The following GRID2 variants were observed in gnomAD, a reference collection of about 807,000 sequenced individuals.
GRID2 encodes the protein glutamate receptor ionotropic, delta-2.
A neutral mutation model predicts 114.8 loss-of-function variants in GRID2; 33 were observed. The observed-to-expected ratio is 0.29, with a 90% CI of 0.22 to 0.38. The LOEUF (loss-of-function observed/expected upper bound fraction) is 0.38, where lower values mean the gene tolerates loss of function less well. GRID2 is among the 10% of genes least tolerant of loss of function. The pLI is 1.00. For synonymous variants in GRID2, 505 were observed against 449.9 expected (o/e 1.12, Z -1.55); for missense variants, 1,184 against 1,257.7 (o/e 0.94, Z 0.89).
chr4:92,699,995 G>T (rs1352097911), intron 2 of GRID2, among the ~76,000 whole-genome samples: 1 of 152,118 alleles, frequency 6.6e-6, no homozygotes, highest in Non-Finnish European at 1.5e-5. Flanking sequence ...TGTACTTTAA[G>T]ATAAAGCAAA....
intron 2 of GRID2, among the ~76,000 whole-genome samples, chr4:92,758,789 G>C (rs1737849276): frequency 6.6e-6 from 1 of 152,044 alleles, no homozygotes. Context: ...TCTTATTTCA[G>C]TATCAGTTGA....
chr4:92,965,599 A>C lies in GRID2; in HGVS notation c.245-119396A>C, dbSNP rs563354292. The stretch of plus-strand genomic sequence containing the variant: ...GAGTAGATGTTTACCTTGCAATCTC[A>C]CTTCTATTATGGGTCTAAGAAGAGT... On this transcript the variant is annotated intron_variant, in intron 2 of 15. Coordinates refer to ENST00000282020, the MANE Select transcript of GRID2 (RefSeq NM_001510.4). Among the ~76,000 whole-genome samples, 12 of 151,542 alleles carry C rather than the reference A, an allele frequency of 7.9e-5. No homozygotes were observed. In the South Asian group the frequency reaches 2.5e-3, roughly 32 times the overall value.
chr4:93,258,834 A>C (rs1489237762), intron 8 of GRID2: 1 of 447,820 alleles, frequency 2.2e-6, no homozygotes, highest in Non-Finnish European at 4.5e-6. Context: ...AACAACATGA[A>C]AGTAATTAAC....
intron 2 of GRID2, among the ~76,000 whole-genome samples, chr4:92,791,943 A>G (rs532452268): frequency 6.6e-6 from 1 of 151,980 alleles, no homozygotes; most frequent in East Asian, 1.9e-4. Flanking sequence ...AATAGTGCTG[A>G]AAACAAGAAA....
At chr4:92,722,686 G>A (rs780995189) in intron 2 of GRID2, among the ~76,000 whole-genome samples, 1 of 151,952 alleles carries the variant, frequency 6.6e-6, no homozygotes. Flanking sequence ...TTTAGATGAC[G>A]CCAAGTGACT....
intron 2 of GRID2, among the ~76,000 whole-genome samples, chr4:92,907,363 C>T (rs572789955): frequency 6.6e-6 from 1 of 152,160 alleles, no homozygotes; most frequent in Non-Finnish European, 1.5e-5. Context: ...GTATTTGGTA[C>T]CTCTTAGAAT....
intron 13 of GRID2, among the ~76,000 whole-genome samples, chr4:93,568,736 C>CA (rs1735667148): frequency 6.6e-6 from 1 of 152,104 alleles, no homozygotes; most frequent in African/African-American, 2.4e-5. Context: ...ATCTGTGCTT[C>CA]ACAATTTTCA....
At chr4:93,083,773 G>A (rs1412507805) in intron 2 of GRID2, among the ~76,000 whole-genome samples, 1 of 151,274 alleles carries the variant, frequency 6.6e-6, no homozygotes, top group Non-Finnish European at 1.5e-5. Context: ...CTTTCATGAG[G>A]CAATGCTTGA....
At chr4:92,326,522 T>C (rs1726605747) in intron 1 of GRID2, among the ~76,000 whole-genome samples, 1 of 151,862 alleles carries the variant, frequency 6.6e-6, no homozygotes, top group Non-Finnish European at 1.5e-5. Context: ...TATAGAAGTA[T>C]AGAATATATA....
chr4:92,626,327 A>G (rs747689371), intron 2 of GRID2, among the ~76,000 whole-genome samples: 10 of 151,984 alleles, frequency 6.6e-5, no homozygotes, highest in Non-Finnish European at 1.5e-4. Flanking sequence ...CTTTTCATGG[A>G]CCTTTGCAAT....
At chr4:92,647,994 C>A in intron 2 of GRID2, among the ~76,000 whole-genome samples, 1 of 149,668 alleles carries the variant, frequency 6.7e-6, no homozygotes, top group East Asian at 1.9e-4. Flanking sequence ...GTAAACAGAT[C>A]CCCTTTACTT....
At chr4:93,485,554 A>T (rs956675484) in intron 11 of GRID2, among the ~76,000 whole-genome samples, 2 of 151,720 alleles carry the variant, frequency 1.3e-5, no homozygotes, top group Admixed American at 6.6e-5. Flanking sequence ...ATTTCTGTGT[A>T]TAGTATGAGT....
chr4:93,109,633 A>G (rs1252763699), intron 3 of GRID2, among the ~76,000 whole-genome samples: 2 of 152,154 alleles, frequency 1.3e-5, no homozygotes, highest in Admixed American at 1.3e-4. Context: ...TAGTCTATTC[A>G]TAAGTTCCCT....
intron 1 of GRID2, among the ~76,000 whole-genome samples, chr4:92,420,318 T>G (rs2110322167): frequency 6.6e-6 from 1 of 152,316 alleles, no homozygotes; most frequent in East Asian, 1.9e-4. Context: ...TTTTAACACC[T>G]AATATGGTGT....
At chr4:93,652,906 A>G (rs1402086895) in intron 14 of GRID2, among the ~76,000 whole-genome samples, 1 of 152,064 alleles carries the variant, frequency 6.6e-6, no homozygotes, top group Non-Finnish European at 1.5e-5. Flanking sequence ...AAGATACACA[A>G]AGGACATGGG....
At chr4:92,894,844 CTA>C (rs1747046169) in intron 2 of GRID2, among the ~76,000 whole-genome samples, 1 of 152,058 alleles carries the variant, frequency 6.6e-6, no homozygotes, top group Non-Finnish European at 1.5e-5. Flanking sequence ...ACTTCTTCCA[CTA>C]TTAATCCTTG....
chr4:93,418,276 C>G (rs185867045), intron 9 of GRID2, among the ~76,000 whole-genome samples: 9 of 151,940 alleles, frequency 5.9e-5, no homozygotes, highest in Admixed American at 3.9e-4. Context: ...TTAGGATTTT[C>G]TATCCTCTTG....
At chr4:92,498,927 G>T (rs1723530945) in intron 1 of GRID2, among the ~76,000 whole-genome samples, 1 of 23,186 alleles carries the variant, frequency 4.3e-5, no homozygotes, top group Non-Finnish European at 7.3e-5. Flanking sequence ...ACTTATTTAG[G>T]TAAAAAAAAA....
intron 2 of GRID2, among the ~76,000 whole-genome samples, chr4:93,026,597 C>A (rs1459764350): frequency 6.6e-6 from 1 of 151,640 alleles, no homozygotes; most frequent in Non-Finnish European, 1.5e-5. Context: ...GAAATAGAAT[C>A]ATGTAGAAGA....
Sources: allele counts gnomAD v4.1 joint callset (sites outside exome capture counted in the v4.1 genomes callset), GRCh38; gene constraint gnomAD v4.1.1; transcripts MANE v1.5; gene names NCBI Gene and HGNC (gene_info 2026-07-23, HGNC 2026-07-21).